The following CROCC variants were observed in gnomAD, a reference collection of about 807,000 sequenced individuals.
CROCC encodes rootletin.
Under a neutral mutation model 245.2 loss-of-function variants are expected in CROCC, and 180 were observed. The observed-to-expected ratio is 0.73, with a 90% CI of 0.65 to 0.83. CROCC has a LOEUF of 0.83. CROCC is among the 40% of genes least tolerant of loss of function. The pLI, the probability that CROCC is intolerant of heterozygous loss-of-function variation, is 0.00. For missense variants in CROCC, 2,688 were observed against 2,779.4 expected, an observed-to-expected ratio of 0.97 and a Z score of 0.74; for synonymous variants, 1,205 against 1,241.6, an observed-to-expected ratio of 0.97 and a Z score of 0.62.
At position 16,961,109 on chromosome 1, in the gene CROCC, G is replaced by T; in HGVS notation, c.4384G>T (p.Ala1462Ser). Residue 1462 changes from alanine (A) to serine (S), a missense_variant, in exon 27 of 37, where the codon GCC becomes TCC. Ala to Ser is a moderately conservative substitution (Grantham distance 99). Transcript: ENST00000375541. ...CCCGCGGCCAGTGCCCGGTTCCCCT[G>T]CCCGGGACGCACCCGCAGAAGGTAA... ...PAPRPVPGSP[A>S]RDAPAEGSGE... The T allele has an allele frequency of 7.4e-7, 1 of 1,356,688 alleles. No individual in the cohort carries two copies. Among genetic ancestry groups the T allele is most frequent in the Admixed American group, 3.7e-5 (1 of 27,340 alleles). The allele number at this position is 1,356,688 out of a possible 1,614,324, so 84.0% of individuals were successfully genotyped here.
chr1:16,952,227 TGTAA>T (rs1473958899), intron 20 of CROCC, among the ~76,000 whole-genome samples: 1 of 148,434 alleles, frequency 6.7e-6, no homozygotes, highest in East Asian at 2.1e-4. Context: ...GACTCATGCC[TGTAA>T]TCCAGCACTT....
rs760872290 is a variant in CROCC, at chr1:16,922,031, C to A, written c.13C>A (p.Leu5Met). The change falls in exon 1 of 37, where the codon CTG becomes ATG. Residue 5 changes from leucine to methionine, a missense_variant. This residue lies in a region of CROCC where 972 missense variants were observed against 895.3 expected (regional missense o/e 1.09). Coordinates refer to ENST00000375541, the MANE Select transcript of CROCC (RefSeq NM_014675.5). Reference sequence around the variant, plus strand: ...CAGCCTCCCCCCCATGAGCTTGGGGCTGGCGGGGGCACAGGAGGTGGAGCT... The same window carrying A: ...CAGCCTCCCCCCCATGAGCTTGGGGATGGCGGGGGCACAGGAGGTGGAGCT... MSLG[L>M]AGAQEVELTL... is the part of the protein sequence containing the mutation. 6.4e-7 allele frequency: 1 copy of A among 1,551,042 alleles called. No individual in the cohort carries two copies. The highest frequency in any genetic ancestry group is 1.2e-5 in the South Asian group (1 of 83,850).
chr1:16,939,072 C>G lies in CROCC; in HGVS notation c.1538C>G (p.Pro513Arg), dbSNP rs376064239. 3.2e-6 allele frequency: 5 copies of G among 1,585,380 alleles called. No individual in the cohort carries two copies. The highest frequency in any genetic ancestry group is 1.8e-5 in the Admixed American group (1 of 55,600). The change falls in exon 12 of 37, where the codon CCG becomes CGG. Residue 513 changes from proline to arginine, a missense_variant. Physicochemically the swap from Pro to Arg is moderately radical, Grantham distance 103 (BLOSUM62 -2). This residue lies in a region of CROCC where 972 missense variants were observed against 895.3 expected (regional missense o/e 1.09). Coordinates refer to ENST00000375541, the MANE Select transcript of CROCC (RefSeq NM_014675.5). ...CGTTCACCCCGCCGAGGCCCCTCCC[C>G]GGCCTGCTCAGACTCCTCCACGCTC... is the stretch of plus-strand genomic sequence containing the variant. ...RGRSPRRGPS[P>R]ACSDSSTLAL...
Position 16,939,199 on chromosome 1 carries a change from G to A in CROCC, c.1608+57G>A, listed in dbSNP as rs1356761539. The A allele has an allele frequency of 4.7e-6, 6 of 1,281,414 alleles. No homozygotes were observed. In the East Asian group the frequency reaches 1.2e-4, roughly 25 times the overall value. 79.4% of individuals were successfully genotyped at this position (1,281,414 alleles called of 1,614,324 possible). The stretch of plus-strand genomic sequence containing the variant: ...CCAGAGGCCTGGGGGAGGGGCTCGC[G>A]CCCTCCGGGTGGGGGCGGGGGCGGG... On this transcript the variant is annotated intron_variant, in intron 12 of 36. Coordinates refer to ENST00000375541, the MANE Select transcript of CROCC (RefSeq NM_014675.5).
At chr1:16,972,168 G>A (rs1213574072) in intron 36 of CROCC, among the ~76,000 whole-genome samples, 192 bp from the exon 37 acceptor site, 3 of 152,188 alleles carry the variant, frequency 2.0e-5, no homozygotes, top group East Asian at 1.9e-4. Context: ...CCTCAAAGGT[G>A]CCCAACAGTC....
chr1:16,954,649 A>G lies in CROCC; in HGVS notation c.3322-85A>G. Reference sequence around the variant, plus strand: ...GGGAGGGGCCGTGTTTAGAGCTAAAAGTGGACAGTGCACTGAGCGGGTTGG... The same window carrying G: ...GGGAGGGGCCGTGTTTAGAGCTAAAGGTGGACAGTGCACTGAGCGGGTTGG... On this transcript the variant is annotated intron_variant, in intron 22 of 36. Transcript: ENST00000375541. This position sits in a 1 kb window ranked among gnomAD's most constrained non-coding sequence, Gnocchi z 4.4. The G allele has an allele frequency of 6.9e-7, 1 of 1,454,448 alleles. No homozygotes were observed. Among genetic ancestry groups the G allele is most frequent in the Admixed American group, 2.6e-5 (1 of 38,912 alleles). The allele number at this position is 1,454,448 out of a possible 1,614,324, so 90.1% of individuals were successfully genotyped here. A position where few individuals can be genotyped will look rare whatever the true frequency, so the allele number is the denominator to read the frequency against.
chr1:16,965,628 T>A, intron 27 of CROCC, 95 bp from the exon 28 acceptor site: 2 of 926,912 alleles, frequency 2.2e-6, no homozygotes, highest in Non-Finnish European at 3.4e-6. Context: ...GGCTTGATTC[T>A]GAGGGCTGTT....
At chr1:16,928,159 T>G (rs2075579021) in intron 3 of CROCC, among the ~76,000 whole-genome samples, 1 of 152,280 alleles carries the variant, frequency 6.6e-6, no homozygotes, top group Non-Finnish European at 1.5e-5. Flanking sequence ...ATGCCCTGCC[T>G]GGGCTGTAGC....
At chr1:16,949,147 A>G (rs2076116964) in intron 19 of CROCC, among the ~76,000 whole-genome samples, 1 of 152,282 alleles carries the variant, frequency 6.6e-6, no homozygotes, top group Non-Finnish European at 1.5e-5. Context: ...GGCAATGCCC[A>G]CCTTCTAAGC....
At chr1:16,952,292 G>A (rs148049817) in intron 20 of CROCC, among the ~76,000 whole-genome samples, 8,474 of 151,774 alleles carry the variant, frequency 0.056, 312 homozygotes, top group African/African-American at 0.088. Flanking sequence ...AGACCATCCT[G>A]GCTAACACAG....
intron 3 of CROCC, among the ~76,000 whole-genome samples, chr1:16,926,775 C>T (rs57231512): frequency 6.0e-3 from 912 of 152,162 alleles, no homozygotes; most frequent in African/African-American, 0.021. Flanking sequence ...TGGGCTCCCT[C>T]GTGTCCATAG....
At chr1:16,971,299 C>G (rs757949138) in intron 35 of CROCC, among the ~76,000 whole-genome samples, 166 bp from the exon 36 acceptor site, 34 of 151,898 alleles carry the variant, frequency 2.2e-4, no homozygotes, top group Non-Finnish European at 4.1e-4. Flanking sequence ...TCATCCTGGG[C>G]TCGCAGGCTC....
In CROCC at chr1:16,966,059, A is replaced by G. The variant is rs747721310; in HGVS notation, c.4636A>G (p.Arg1546Gly). 1.9e-6 allele frequency: 3 copies of G among 1,613,960 alleles called. No individual in the cohort carries two copies. Among genetic ancestry groups the G allele is most frequent in the Non-Finnish European group, 2.5e-6 (3 of 1,179,866 alleles). Residue 1546 changes from arginine (R) to glycine (G), a missense_variant, in exon 29 of 37, where the codon AGG becomes GGG. Arg to Gly is a moderately radical substitution (Grantham distance 125, BLOSUM62 -2). Coordinates refer to ENST00000375541, the MANE Select transcript of CROCC (RefSeq NM_014675.5). This position sits in a 1 kb window ranked among gnomAD's most constrained non-coding sequence, Gnocchi z 4.8. ...CCAGCTGGCCGAGATGGAGGCTGAG[A>G]GGGACAGCGCAACCTCGAGGGCCAG... Reference protein sequence around the residue: ...NRQLAEMEAERDSATSRARQL... With the variant: ...NRQLAEMEAEGDSATSRARQL...
At chr1:16,958,507 A>C (rs762310074) in intron 25 of CROCC, 76 bp from the exon 26 acceptor site, 58 of 1,511,326 alleles carry the variant, frequency 3.8e-5, no homozygotes, top group Non-Finnish European at 4.8e-5. Context: ...AGCAGTAGGT[A>C]CCAAGTGGCC....
chr1:16,972,450 C>T lies in CROCC; in HGVS notation c.*4C>T. On this transcript the variant is annotated 3_prime_UTR_variant, in exon 37 of 37. Transcript: ENST00000375541. ...CTCCGGCCCCCCAGAGAAATGAGCT[C>T]CTGCTGGCATCTGGAGAACACCCCT... 1 of 1,610,838 alleles carries T rather than the reference C, an allele frequency of 6.2e-7. No individual in the cohort carries two copies. Among genetic ancestry groups the T allele is most frequent in the Middle Eastern group, 1.7e-4 (1 of 6,038 alleles).
intron 8 of CROCC, among the ~76,000 whole-genome samples, chr1:16,935,523 C>G (rs113124209): frequency 0.015 from 2,322 of 151,450 alleles, no homozygotes; most frequent in African/African-American, 0.054. Flanking sequence ...TGGGTTCACG[C>G]CATTCTCCTG....
chr1:16,940,106 T>C lies in CROCC; in HGVS notation c.1808+13T>C. ...AGCTCCTGAGCAGGTGCCGGGGAGG[T>C]CTGAGCTGGGGGGTACTGAAGAATA... On this transcript the variant is annotated intron_variant, in intron 13 of 36. Transcript: ENST00000375541. 2.5e-6 allele frequency: 4 copies of C among 1,590,084 alleles called. No homozygotes were observed. Among genetic ancestry groups the C allele is most frequent in the Non-Finnish European group, 3.4e-6 (4 of 1,170,516 alleles).
At chr1:16,971,274 G>A (rs983981087) in intron 35 of CROCC, among the ~76,000 whole-genome samples, 191 bp from the exon 36 acceptor site, 11 of 151,096 alleles carry the variant, frequency 7.3e-5, no homozygotes, top group Non-Finnish European at 1.0e-4. Flanking sequence ...CCTGAGTGGG[G>A]GTCATTGGGT....
chr1:16,946,873 T>C lies in CROCC; in HGVS notation c.2396T>C (p.Val799Ala), dbSNP rs1303563948. The C allele has an allele frequency of 3.8e-6, 6 of 1,558,664 alleles. No homozygotes were observed. Among genetic ancestry groups the C allele is most frequent in the Non-Finnish European group, 5.2e-6 (6 of 1,151,554 alleles). Reference protein sequence around the residue: ...RLEELRLEQEVARQGLEGSLR... With the variant: ...RLEELRLEQEAARQGLEGSLR... ...GAGGAGCTGCGGTTGGAGCAGGAGG[T>C]GGCGCGGCAGGGCCTGGAGGGCTCC... Residue 799 changes from valine (V) to alanine (A), a missense_variant, in exon 17 of 37, where the codon GTG becomes GCG. Around this residue, in one of 9 missense-constraint regions of CROCC, gnomAD observed 295 missense variants for 241.7 expected, o/e 1.22. Coordinates refer to ENST00000375541, the MANE Select transcript of CROCC (RefSeq NM_014675.5).
Sources: allele counts gnomAD v4.1 joint callset (sites outside exome capture counted in the v4.1 genomes callset), GRCh38; gene constraint gnomAD v4.1.1; regional missense constraint gnomAD v4.1.1; non-coding constraint Gnocchi (gnomAD v3.1); transcripts MANE v1.5; gene names NCBI Gene and HGNC (gene_info 2026-07-23, HGNC 2026-07-21).